Variants in VPS54 observed in about 807,000 individuals in gnomAD.
VPS54 encodes VPS54 subunit of GARP complex, also known as vacuolar protein sorting-associated protein 54.
VPS54 carries 45 observed loss-of-function variants against 121.5 expected under a neutral mutation model. The ratio of observed to expected loss-of-function variants is 0.37; its 90% CI spans 0.29 to 0.47. The LOEUF (loss-of-function observed/expected upper bound fraction) is 0.47. VPS54 is among the 20% of genes least tolerant of loss of function. The pLI is 0.99. For missense variants in VPS54, 1,090 were observed against 1,131.4 expected (o/e 0.96, Z 0.52); for synonymous variants, 371 against 385.8 (o/e 0.96, Z 0.45).
chr2:63,941,641 G>A (rs1204979344), intron 11 of VPS54, among the ~76,000 whole-genome samples: 1 of 152,106 alleles, frequency 6.6e-6, no homozygotes, highest in African/African-American at 2.4e-5. Context: ...ATACTAAGTG[G>A]TTTAAAATTA....
chr2:63,893,235 G>A lies in VPS54; in HGVS notation c.*195C>T. 1.5e-6 allele frequency: 1 copy of A among 670,586 alleles called. No homozygotes were observed. The highest frequency in any genetic ancestry group is 2.7e-6 in the Non-Finnish European group (1 of 366,958). 41.5% of individuals were successfully genotyped at this position (670,586 alleles called of 1,614,324 possible). A position where few individuals can be genotyped will look rare whatever the true frequency, so the allele number is the denominator to read the frequency against. ...ACCTGATCAGTTACTCCTCACTGTAGGATGCACAAAAATGACATTCCTTGT... is the reference window on the plus strand; with the variant it reads ...ACCTGATCAGTTACTCCTCACTGTAAGATGCACAAAAATGACATTCCTTGT... On this transcript the variant is annotated 3_prime_UTR_variant, in exon 23 of 23. Coordinates refer to ENST00000272322, the MANE Select transcript of VPS54 (RefSeq NM_016516.3).
intron 4 of VPS54, among the ~76,000 whole-genome samples, chr2:63,969,244 T>C (rs553790372): frequency 4.9e-4 from 75 of 152,300 alleles, no homozygotes; most frequent in African/African-American, 1.7e-3. Flanking sequence ...CAAATCTTTT[T>C]AATCAGACAT....
intron 20 of VPS54, among the ~76,000 whole-genome samples, chr2:63,906,127 G>C (rs962073625): frequency 1.3e-5 from 2 of 152,130 alleles, no homozygotes; most frequent in South Asian, 2.1e-4. Context: ...GAGAAACCAA[G>C]CATATCTGTT....
intron 1 of VPS54, among the ~76,000 whole-genome samples, chr2:63,992,721 G>A (rs1189812806): frequency 2.6e-5 from 4 of 152,246 alleles, no homozygotes; most frequent in Non-Finnish European, 2.9e-5. Context: ...CAATTTAAGG[G>A]CCATTAATGC....
chr2:63,986,966 A>G (rs953695349), intron 1 of VPS54, among the ~76,000 whole-genome samples: 3 of 152,194 alleles, frequency 2.0e-5, no homozygotes, highest in African/African-American at 7.2e-5. Context: ...TATTCTTGTT[A>G]TTAATCCCTT....
At chr2:63,942,641 G>A (rs767956812) in intron 10 of VPS54, 80 bp from the exon 11 acceptor site, 57 of 1,163,354 alleles carry the variant, frequency 4.9e-5, no homozygotes, top group Middle Eastern at 4.8e-4. Flanking sequence ...GAAGAAATGA[G>A]ACTAAATACT....
Position 63,972,245 on chromosome 2 carries a change from C to T in VPS54, c.379-1G>A. ...TGCATCTCTCATGAATCTTCTCTCT[C>T]TAATAAAAAGACAAATAACATCATC... On this transcript the variant is annotated splice_acceptor_variant, in intron 3 of 22. Transcript: ENST00000272322. LOFTEE classifies it high-confidence loss of function. 1.3e-6 allele frequency: 2 copies of T among 1,582,094 alleles called. No homozygotes were observed. The highest frequency in any genetic ancestry group is 1.7e-6 in the Non-Finnish European group (2 of 1,158,492).
chr2:63,985,702 C>A (rs1294646121), intron 1 of VPS54, among the ~76,000 whole-genome samples: 1 of 151,880 alleles, frequency 6.6e-6, no homozygotes, highest in African/African-American at 2.4e-5. Context: ...CACACACACA[C>A]ACACACACAC....
chr2:63,996,631 C>A (rs1677607545), intron 1 of VPS54, among the ~76,000 whole-genome samples: 1 of 152,048 alleles, frequency 6.6e-6, no homozygotes, highest in Non-Finnish European at 1.5e-5. Flanking sequence ...GAGTTCTTTC[C>A]CCAGTAAGGA....
intron 2 of VPS54, among the ~76,000 whole-genome samples, chr2:63,982,606 G>A (rs867813157): frequency 6.6e-6 from 1 of 152,156 alleles, no homozygotes; most frequent in Non-Finnish European, 1.5e-5. Context: ...CACCGAACTT[G>A]TGGCTAACAG....
intron 1 of VPS54, among the ~76,000 whole-genome samples, chr2:64,015,833 G>T (rs931379885): frequency 6.6e-6 from 1 of 152,134 alleles, no homozygotes; most frequent in South Asian, 2.1e-4. Flanking sequence ...TTAGGTTAAA[G>T]CATTTTTAGA....
chr2:64,016,220 CTT>C lies in VPS54; in HGVS notation c.-21+2716_-21+2717del, dbSNP rs547434196. 8.2e-4 allele frequency among the ~76,000 whole-genome samples: 125 copies of C among 152,334 alleles called. 1 individual carries two copies. In the East Asian group the frequency reaches 8.7e-3, roughly 11 times the overall value. ...TGATTCCGAGCTGACCAAACTACCTCTTGAGGTTACTGAAGCCATTCATGCCT... is the reference window on the plus strand; with the variant it reads ...TGATTCCGAGCTGACCAAACTACCTCGAGGTTACTGAAGCCATTCATGCCT... On this transcript the variant is annotated intron_variant, in intron 1 of 22. Transcript: ENST00000272322.
chr2:63,939,810 G>C (rs1674637068), intron 11 of VPS54, among the ~76,000 whole-genome samples: 1 of 151,668 alleles, frequency 6.6e-6, no homozygotes, highest in Non-Finnish European at 1.5e-5. Context: ...CACCAGGCTG[G>C]AGTACAGTAG....
intron 1 of VPS54, among the ~76,000 whole-genome samples, chr2:63,984,739 T>C (rs1676962055): frequency 6.6e-6 from 1 of 152,220 alleles, no homozygotes; most frequent in African/African-American, 2.4e-5. Flanking sequence ...TTAACCTATG[T>C]CTACATTTTA....
At chr2:63,953,493 T>C (rs1675353519) in intron 7 of VPS54, among the ~76,000 whole-genome samples, 1 of 152,198 alleles carries the variant, frequency 6.6e-6, no homozygotes, top group African/African-American at 2.4e-5. Context: ...CTATGGCCCT[T>C]TGAAGGGTCA....
chr2:63,918,990 T>C (rs1038538219), intron 15 of VPS54, among the ~76,000 whole-genome samples: 2 of 152,120 alleles, frequency 1.3e-5, no homozygotes, highest in Non-Finnish European at 2.9e-5. Flanking sequence ...GTAGTCTAGT[T>C]GCATTTTGTG....
chr2:63,897,622 G>C, intron 21 of VPS54, 32 bp from the exon 22 acceptor site: 3 of 1,285,754 alleles, frequency 2.3e-6, no homozygotes, highest in Non-Finnish European at 3.3e-6. Context: ...GTTTCTTAAA[G>C]TTCTACTGAA....
intron 20 of VPS54, among the ~76,000 whole-genome samples, chr2:63,905,932 C>T (rs1672886792): frequency 6.6e-6 from 1 of 152,028 alleles, no homozygotes; most frequent in Non-Finnish European, 1.5e-5. Flanking sequence ...AAATGCAGAC[C>T]ATATGATCAT....
At chr2:63,941,399 A>T (rs1195383820) in intron 11 of VPS54, among the ~76,000 whole-genome samples, 3 of 152,016 alleles carry the variant, frequency 2.0e-5, no homozygotes, top group South Asian at 2.1e-4. Flanking sequence ...TAATTTAAAA[A>T]TTTATTTTGT....
Sources: allele counts gnomAD v4.1 joint callset (sites outside exome capture counted in the v4.1 genomes callset), GRCh38; gene constraint gnomAD v4.1.1; transcripts MANE v1.5; gene names NCBI Gene and HGNC (gene_info 2026-07-23, HGNC 2026-07-21).